The following STMN2 variants were observed in gnomAD, a reference collection of about 807,000 sequenced individuals.
STMN2 encodes the protein stathmin-2.
Under a neutral mutation model 24.1 loss-of-function variants are expected in STMN2, and 2 were observed. That is an observed-to-expected ratio of 0.08 (90% CI 0.03 to 0.26). The LOEUF (loss-of-function observed/expected upper bound fraction) is 0.26, where lower values mean the gene tolerates loss of function less well. Ranked by LOEUF, STMN2 falls within the 10% of genes least tolerant of loss-of-function variation. STMN2 has a pLI of 1.00. For missense variants in STMN2, 114 were observed against 213.6 expected (o/e 0.53, Z 2.91); for synonymous variants, 83 against 77.5 (o/e 1.07, Z -0.37).
intron 1 of STMN2, among the ~76,000 whole-genome samples, chr8:79,624,987 T>G (rs1365476771): frequency 6.7e-6 from 1 of 148,162 alleles, no homozygotes; most frequent in African/African-American, 2.5e-5. Context: ...TTTTTCCTGT[T>G]TGATTTTTTA....
chr8:79,652,606 G>C (rs1177358788), intron 3 of STMN2, among the ~76,000 whole-genome samples: 1 of 151,874 alleles, frequency 6.6e-6, no homozygotes, highest in African/African-American at 2.4e-5. Flanking sequence ...AAGTCCAGTT[G>C]CCATCATCTC....
intron 1 of STMN2, among the ~76,000 whole-genome samples, chr8:79,623,042 C>T (rs1218243907): frequency 6.6e-6 from 1 of 152,154 alleles, no homozygotes; most frequent in African/African-American, 2.4e-5. Flanking sequence ...TCAGCTAGGT[C>T]TTTTCTTTCA....
chr8:79,630,179 A>T (rs1218772607), intron 1 of STMN2, among the ~76,000 whole-genome samples: 1 of 152,214 alleles, frequency 6.6e-6, no homozygotes. Flanking sequence ...CTTTGAGTTC[A>T]TTAAATCTGT....
chr8:79,664,724 C>T, intron 4 of STMN2, 91 bp from the exon 5 acceptor site: 1 of 1,248,492 alleles, frequency 8.0e-7, no homozygotes, highest in Non-Finnish European at 1.1e-6. Flanking sequence ...AAGTAGACAC[C>T]AAACTGGGTT....
intron 4 of STMN2, among the ~76,000 whole-genome samples, chr8:79,660,536 C>T (rs1806480359): frequency 6.6e-6 from 1 of 152,060 alleles, no homozygotes; most frequent in South Asian, 2.1e-4. Flanking sequence ...ATATTATAGC[C>T]ATATTTTAGT....
intron 4 of STMN2, chr8:79,663,758 G>A (rs1482558795): frequency 1.7e-5 from 17 of 989,994 alleles, no homozygotes; most frequent in Non-Finnish European, 2.1e-5. Context: ...TATGATATAT[G>A]CAAGACAGTT....
At chr8:79,644,893 G>A (rs1361429899) in intron 3 of STMN2, among the ~76,000 whole-genome samples, 1 of 152,152 alleles carries the variant, frequency 6.6e-6, no homozygotes, top group East Asian at 1.9e-4. Context: ...GGTGGCTCAT[G>A]GCTATAATCC....
intron 1 of STMN2, among the ~76,000 whole-genome samples, chr8:79,633,654 C>A (rs1167519590): frequency 6.6e-6 from 1 of 152,224 alleles, no homozygotes; most frequent in Non-Finnish European, 1.5e-5. Flanking sequence ...GCTCTCTGGT[C>A]TCTTCTTATA....
At chr8:79,652,889 T>G (rs942556699) in intron 3 of STMN2, among the ~76,000 whole-genome samples, 6 of 152,130 alleles carry the variant, frequency 3.9e-5, no homozygotes, top group Admixed American at 2.0e-4. Context: ...ATAAGCAAAG[T>G]CTGTGTAGGA....
chr8:79,654,153 G>A (rs1053966198), intron 3 of STMN2, among the ~76,000 whole-genome samples: 1 of 152,162 alleles, frequency 6.6e-6, no homozygotes, highest in African/African-American at 2.4e-5. Context: ...ACTGTACAGA[G>A]CCAAACAGAC....
At chr8:79,617,861 C>G (rs1563432630) in intron 1 of STMN2, among the ~76,000 whole-genome samples, 1 of 152,218 alleles carries the variant, frequency 6.6e-6, no homozygotes, top group Non-Finnish European at 1.5e-5. Context: ...GCACATATAA[C>G]ATGCAAGGCA....
At chr8:79,624,697 G>T (rs1389325694) in intron 1 of STMN2, among the ~76,000 whole-genome samples, 1 of 152,120 alleles carries the variant, frequency 6.6e-6, no homozygotes, top group Non-Finnish European at 1.5e-5. Context: ...AATACATACG[G>T]TGAGGATAGC....
intron 1 of STMN2, chr8:79,613,524 C>A (rs1809302236): frequency 1.0e-6 from 1 of 985,394 alleles, no homozygotes; most frequent in Non-Finnish European, 1.2e-6. Flanking sequence ...GGGGCGATCT[C>A]GCCTCGCTTT....
intron 3 of STMN2, among the ~76,000 whole-genome samples, chr8:79,648,593 G>C (rs1810268034): frequency 6.6e-6 from 1 of 150,458 alleles, no homozygotes; most frequent in Admixed American, 6.7e-5. Context: ...CTCCCAAGTA[G>C]CTGGGATTAT....
At chr8:79,628,230 C>G (rs185837100) in intron 1 of STMN2, among the ~76,000 whole-genome samples, 1 of 152,088 alleles carries the variant, frequency 6.6e-6, no homozygotes, top group East Asian at 1.9e-4. Flanking sequence ...GTGGTGCCAT[C>G]TAGGCTCACT....
At position 79,636,821 on chromosome 8, in the gene STMN2, G is replaced by A; in HGVS notation, c.39G>A (p.Lys13=). The change falls in exon 2 of 5, where the codon AAG becomes AAA. Residue 13 remains lysine, a synonymous_variant. Transcript: ENST00000220876. ...TTTCAGCCTACAAGGAAAAAATGAAGGAGCTGTCCATGCTGTCACTGATCT... is the reference window on the plus strand; with the variant it reads ...TTTCAGCCTACAAGGAAAAAATGAAAGAGCTGTCCATGCTGTCACTGATCT... The part of the protein sequence containing the change: ...KTAMAYKEKM[K]ELSMLSLICS... 6.2e-7 allele frequency: 1 copy of A among 1,613,698 alleles called. No individual in the cohort carries two copies. Among genetic ancestry groups the A allele is most frequent in the Non-Finnish European group, 8.5e-7 (1 of 1,179,716 alleles).
chr8:79,630,972 T>C (rs960401274), intron 1 of STMN2, among the ~76,000 whole-genome samples: 3 of 152,174 alleles, frequency 2.0e-5, no homozygotes, highest in African/African-American at 7.2e-5. Flanking sequence ...AATAAAGCGC[T>C]TTCATTACTC....
At chr8:79,659,223 C>T (rs1158681925) in intron 4 of STMN2, among the ~76,000 whole-genome samples, 1 of 152,136 alleles carries the variant, frequency 6.6e-6, no homozygotes, top group African/African-American at 2.4e-5. Context: ...GAAGGGATGC[C>T]TGTGCCACAA....
chr8:79,642,404 C>T (rs957527473), intron 3 of STMN2, among the ~76,000 whole-genome samples: 11 of 152,240 alleles, frequency 7.2e-5, no homozygotes, highest in South Asian at 4.1e-4. Context: ...AAGGTACTCA[C>T]GATCATCCAA....
Sources: gnomAD v4.1 joint callset for allele counts (sites outside exome capture counted in the v4.1 genomes callset) on GRCh38, gnomAD v4.1.1 for gene constraint, MANE v1.5 for transcripts, NCBI Gene and HGNC (gene_info 2026-07-23, HGNC 2026-07-21) for gene names.